Variants in IGF2BP3 observed in about 807,000 individuals in gnomAD.
IGF2BP3 encodes insulin like growth factor 2 mRNA binding protein 3.
In IGF2BP3, 9 loss-of-function variants were observed where a neutral mutation model predicts 73.8. That is an observed-to-expected ratio of 0.12 (90% CI 0.07 to 0.21). The LOEUF (loss-of-function observed/expected upper bound fraction) is 0.21, where lower values mean the gene tolerates loss of function less well. IGF2BP3 is among the 10% of genes least tolerant of loss of function. The pLI is 1.00. For missense variants in IGF2BP3, 542 were observed against 714.0 expected (o/e 0.76, Z 2.75); for synonymous variants, 258 against 256.7 (o/e 1.01, Z -0.05).
intron 7 of IGF2BP3, among the ~76,000 whole-genome samples, chr7:23,346,678 C>T (rs1174197713): frequency 7.2e-5 from 11 of 151,788 alleles, no homozygotes; most frequent in Non-Finnish European, 8.8e-5. Context: ...CTGCAACCTC[C>T]GCCTCCCGGG....
At chr7:23,412,778 G>T (rs1787064706) in intron 3 of IGF2BP3, among the ~76,000 whole-genome samples, 1 of 149,310 alleles carries the variant, frequency 6.7e-6, no homozygotes, top group African/African-American at 2.5e-5. Flanking sequence ...TCTTTTGACT[G>T]GAGAGTAGTT....
At chr7:23,389,221 C>A (rs563257454) in intron 3 of IGF2BP3, among the ~76,000 whole-genome samples, 58 of 151,192 alleles carry the variant, frequency 3.8e-4, no homozygotes, top group African/African-American at 1.4e-3. Flanking sequence ...AGTGCAGCGG[C>A]ACTATCTCGG....
At chr7:23,372,725 G>A (rs1759794454) in intron 3 of IGF2BP3, among the ~76,000 whole-genome samples, 1 of 152,166 alleles carries the variant, frequency 6.6e-6, no homozygotes, top group South Asian at 2.1e-4. Flanking sequence ...CATCCTTTAA[G>A]GCCATTCTCT....
chr7:23,468,655 C>T (rs1788628155), intron 1 of IGF2BP3, 113 bp from the exon 2 acceptor site: 4 of 1,053,618 alleles, frequency 3.8e-6, no homozygotes, highest in East Asian at 2.4e-5. Context: ...CTCGAAGGGC[C>T]CCCGAGGCCC....
chr7:23,404,062 C>T (rs1288403568), intron 3 of IGF2BP3, among the ~76,000 whole-genome samples: 1 of 151,450 alleles, frequency 6.6e-6, no homozygotes, highest in Non-Finnish European at 1.5e-5. Context: ...TTGCTTGAGC[C>T]CAGGAAGAGT....
chr7:23,444,450 T>G (rs1788007900), intron 2 of IGF2BP3, among the ~76,000 whole-genome samples: 1 of 152,176 alleles, frequency 6.6e-6, no homozygotes, highest in Admixed American at 6.5e-5. Flanking sequence ...CCTTTAAAAT[T>G]GCTTTTTAGG....
chr7:23,313,672 C>T lies in IGF2BP3; in HGVS notation c.1396-19G>A, dbSNP rs1284150026. The T allele has an allele frequency of 6.2e-7, 1 of 1,608,478 alleles. No homozygotes were observed. The highest frequency in any genetic ancestry group is 1.1e-5 in the South Asian group (1 of 90,400). On this transcript the variant is annotated intron_variant, in intron 12 of 14. Coordinates refer to ENST00000258729, the MANE Select transcript of IGF2BP3 (RefSeq NM_006547.3). ...CCTGAGCCTGCAGATGAAAACACAT[C>T]CTATTAGTGTCATTCATGTATGAAA...
At chr7:23,378,389 T>C (rs1785794529) in intron 3 of IGF2BP3, among the ~76,000 whole-genome samples, 1 of 144,694 alleles carries the variant, frequency 6.9e-6, no homozygotes, top group Admixed American at 6.8e-5. Context: ...AAAATAGACA[T>C]TTCTCTTCTT....
intron 3 of IGF2BP3, chr7:23,394,535 A>G (rs944615583): frequency 6.6e-6 from 1 of 152,210 alleles, no homozygotes; most frequent in Non-Finnish European, 1.5e-5. Context: ...AAAAATTAAG[A>G]CTGAAAATAA....
chr7:23,347,821 A>AGAT (rs1214644774), intron 6 of IGF2BP3, 87 bp from the exon 7 acceptor site: 26 of 1,484,448 alleles, frequency 1.8e-5, no homozygotes, highest in Non-Finnish European at 2.4e-5. Context: ...GCAAAGTCAT[A>AGAT]GGGCTTCAGG....
chr7:23,346,014 T>G lies in IGF2BP3; in HGVS notation c.867A>C (p.Gly289=). The G allele has an allele frequency of 6.2e-7, 1 of 1,613,734 alleles. No homozygotes were observed. Among genetic ancestry groups the G allele is most frequent in the Non-Finnish European group, 8.5e-7 (1 of 1,179,948 alleles). ...LKILAHNNFV[G]RLIGKEGRNL... The stretch of plus-strand genomic sequence containing the variant: ...TTCTTCCTTCTTTACCAATAAGACG[T>G]CCAACAAAGTTATTATGAGCTAAAA... Residue 289 remains glycine (G), a synonymous_variant, in exon 8 of 15, where the codon GGA becomes GGC. Coordinates refer to ENST00000258729, the MANE Select transcript of IGF2BP3 (RefSeq NM_006547.3).
At chr7:23,402,468 T>C (rs1786698226) in intron 3 of IGF2BP3, 1 of 152,216 alleles carries the variant, frequency 6.6e-6, no homozygotes, top group Non-Finnish European at 1.5e-5. Flanking sequence ...TAGAAAGTGA[T>C]ACTTATGCAA....
chr7:23,432,285 T>A (rs1480084124), intron 2 of IGF2BP3, among the ~76,000 whole-genome samples: 2 of 152,238 alleles, frequency 1.3e-5, no homozygotes, highest in African/African-American at 4.8e-5. Flanking sequence ...CTCTTACTAC[T>A]ATTGTTTGCT....
At chr7:23,374,942 C>T (rs1362105383) in intron 3 of IGF2BP3, among the ~76,000 whole-genome samples, 2 of 152,076 alleles carry the variant, frequency 1.3e-5, no homozygotes, top group Non-Finnish European at 2.9e-5. Context: ...AGGCTTCAGC[C>T]GGTCCCCCCG....
intron 10 of IGF2BP3, among the ~76,000 whole-genome samples, chr7:23,321,302 A>C (rs1312659460): frequency 6.6e-6 from 1 of 152,212 alleles, no homozygotes; most frequent in Non-Finnish European, 1.5e-5. Flanking sequence ...AGTCAAAGAA[A>C]GGGGTGACAG....
intron 10 of IGF2BP3, among the ~76,000 whole-genome samples, chr7:23,325,460 G>A (rs969440964): frequency 1.1e-4 from 16 of 152,264 alleles, no homozygotes; most frequent in East Asian, 3.9e-4. Context: ...ATGCTCATGG[G>A]TAGGAAGAAT....
intron 3 of IGF2BP3, among the ~76,000 whole-genome samples, chr7:23,376,734 G>C (rs1194013307): frequency 6.6e-6 from 1 of 152,036 alleles, no homozygotes; most frequent in Non-Finnish European, 1.5e-5. Context: ...TGGGAATGGT[G>C]GTGCATGCCT....
At chr7:23,461,480 A>T (rs1246439326) in intron 2 of IGF2BP3, among the ~76,000 whole-genome samples, 1 of 152,148 alleles carries the variant, frequency 6.6e-6, no homozygotes, top group Non-Finnish European at 1.5e-5. Flanking sequence ...TCTACCCAAG[A>T]ATCTGCTCCT....
intron 11 of IGF2BP3, 38 bp from the exon 12 acceptor site, chr7:23,317,751 G>A (rs1316957624): frequency 2.6e-6 from 4 of 1,555,592 alleles, no homozygotes; most frequent in Non-Finnish European, 3.6e-6. Flanking sequence ...ATACTTTCAG[G>A]TATCACTGAT....
Sources: allele counts gnomAD v4.1 joint callset (sites outside exome capture counted in the v4.1 genomes callset), GRCh38; gene constraint gnomAD v4.1.1; transcripts MANE v1.5; gene names NCBI Gene and HGNC (gene_info 2026-07-23, HGNC 2026-07-21).